TFAP2D: variants seen among roughly 807,000 people sequenced by gnomAD.
TFAP2D encodes transcription factor AP-2 delta.
Under a neutral mutation model 43.6 loss-of-function variants are expected in TFAP2D, and 9 were observed. That is an observed-to-expected ratio of 0.21 (90% CI 0.12 to 0.36). The LOEUF (loss-of-function observed/expected upper bound fraction) is 0.36, where lower values mean the gene tolerates loss of function less well. Ranked by LOEUF, TFAP2D falls within the 10% of genes least tolerant of loss-of-function variation. The pLI is 1.00. For synonymous variants in TFAP2D, 256 were observed against 224.9 expected (o/e 1.14, Z -1.24); for missense variants, 513 against 561.4 (o/e 0.91, Z 0.87).
rs145604522 is a variant in TFAP2D at position 50,749,750 on chromosome 6, A to T, written c.1026-1461A>T. On this transcript the variant is annotated intron_variant, in intron 6 of 7. Coordinates refer to ENST00000008391, the MANE Select transcript of TFAP2D (RefSeq NM_172238.4). ...AAAGCAACTGAGTCTCACAACAGAA[A>T]ATGTGAGGAGTTCAGAAGAAACTGT... is the stretch of plus-strand genomic sequence containing the variant. Among the ~76,000 whole-genome samples, 324 of 152,016 alleles carry T rather than the reference A, an allele frequency of 2.1e-3. 2 individuals are homozygous for T. Among genetic ancestry groups the T allele is most frequent in the African/African-American group, 7.4e-3 (308 of 41,546 alleles).
intron 5 of TFAP2D, among the ~76,000 whole-genome samples, chr6:50,739,990 A>T (rs1425775858): frequency 6.6e-6 from 1 of 152,160 alleles, no homozygotes; most frequent in Non-Finnish European, 1.5e-5. Context: ...TTCCTTTCCG[A>T]AGAGTCTGGG....
chr6:50,722,066 A>G (rs960282789), intron 3 of TFAP2D, among the ~76,000 whole-genome samples: 2 of 152,216 alleles, frequency 1.3e-5, no homozygotes, highest in Admixed American at 1.3e-4. Context: ...TTAAGTGGCA[A>G]TTACATTATT....
chr6:50,755,429 T>TAAA (rs35437406), intron 7 of TFAP2D, among the ~76,000 whole-genome samples: 118 of 141,460 alleles, frequency 8.3e-4, no homozygotes, highest in East Asian at 8.1e-3. Context: ...CTTGAAACTG[T>TAAA]AAAAAAAAAA....
At chr6:50,764,936 A>G (rs1259327640) in intron 7 of TFAP2D, among the ~76,000 whole-genome samples, 1 of 152,188 alleles carries the variant, frequency 6.6e-6, no homozygotes. Context: ...AACACTTAAG[A>G]TATACTCTCT....
intron 6 of TFAP2D, among the ~76,000 whole-genome samples, chr6:50,747,355 T>C (rs1343436277): frequency 6.6e-6 from 1 of 152,126 alleles, no homozygotes; most frequent in African/African-American, 2.4e-5. Context: ...CCCAGGTGTT[T>C]CCATAGCATA....
At chr6:50,723,919 G>C (rs1056931874) in intron 3 of TFAP2D, among the ~76,000 whole-genome samples, 1 of 151,940 alleles carries the variant, frequency 6.6e-6, no homozygotes, top group Admixed American at 6.6e-5. Flanking sequence ...CCTCTCTTTT[G>C]TTCTGCCTGG....
At chr6:50,738,513 T>C (rs1768993377) in intron 5 of TFAP2D, among the ~76,000 whole-genome samples, 1 of 152,192 alleles carries the variant, frequency 6.6e-6, no homozygotes, top group Non-Finnish European at 1.5e-5. Context: ...CTATGTGGTT[T>C]CATTTTTCTA....
At chr6:50,723,502 G>A (rs900062249) in intron 3 of TFAP2D, among the ~76,000 whole-genome samples, 1 of 152,138 alleles carries the variant, frequency 6.6e-6, no homozygotes, top group African/African-American at 2.4e-5. Context: ...CACTACTCTC[G>A]CTAGCCAAAA....
chr6:50,723,192 A>T (rs996933257), intron 3 of TFAP2D, among the ~76,000 whole-genome samples: 6 of 152,234 alleles, frequency 3.9e-5, no homozygotes, highest in Admixed American at 1.3e-4. Context: ...TCTTTAAAAA[A>T]AAAATTCCTT....
chr6:50,737,595 G>A (rs1373882346), intron 5 of TFAP2D, among the ~76,000 whole-genome samples: 1 of 152,072 alleles, frequency 6.6e-6, no homozygotes, highest in Non-Finnish European at 1.5e-5. Flanking sequence ...AATGTTATTA[G>A]TTGATCTTTT....
intron 5 of TFAP2D, among the ~76,000 whole-genome samples, chr6:50,743,920 T>C (rs1181607769): frequency 6.6e-6 from 1 of 152,210 alleles, no homozygotes; most frequent in Non-Finnish European, 1.5e-5. Flanking sequence ...GTTATGACTA[T>C]CATTTTCCTG....
chr6:50,725,909 G>T (rs1024500894), intron 3 of TFAP2D, among the ~76,000 whole-genome samples: 1 of 152,018 alleles, frequency 6.6e-6, no homozygotes, highest in Non-Finnish European at 1.5e-5. Flanking sequence ...GCAATGCCAG[G>T]TATCAAAGCA....
chr6:50,732,062 C>T (rs969380639), intron 5 of TFAP2D, among the ~76,000 whole-genome samples: 6 of 152,000 alleles, frequency 3.9e-5, no homozygotes, highest in African/African-American at 4.8e-5. Context: ...TTGGATTGAC[C>T]GTGTTTTTGA....
intron 5 of TFAP2D, among the ~76,000 whole-genome samples, chr6:50,735,448 A>G (rs1456148669): frequency 6.6e-6 from 1 of 152,094 alleles, no homozygotes; most frequent in Admixed American, 6.6e-5. Context: ...GAACTTTCTT[A>G]TGTCCAAGCT....
chr6:50,728,657 C>T (rs1768841399), intron 3 of TFAP2D, among the ~76,000 whole-genome samples, 199 bp from the exon 4 acceptor site: 1 of 152,166 alleles, frequency 6.6e-6, no homozygotes, highest in Non-Finnish European at 1.5e-5. Flanking sequence ...GACATTTTCA[C>T]AAACATTGAA....
intron 5 of TFAP2D, among the ~76,000 whole-genome samples, chr6:50,734,117 G>A (rs1768931276): frequency 6.6e-6 from 1 of 151,664 alleles, no homozygotes; most frequent in Non-Finnish European, 1.5e-5. Context: ...ATCTTTCTCA[G>A]TTTAAATCCT....
At chr6:50,724,477 G>A (rs1396973791) in intron 3 of TFAP2D, among the ~76,000 whole-genome samples, 1 of 152,164 alleles carries the variant, frequency 6.6e-6, no homozygotes, top group Non-Finnish European at 1.5e-5. Flanking sequence ...GCTTTGGAGA[G>A]GATGCGCGCA....
In TFAP2D at chr6:50,755,556, A is replaced by G. The variant is rs374356262; in HGVS notation, c.1139+4232A>G. ...AACTCTCAAGTTGATTCTGATAGGT[A>G]GGTTTAAGAACCACAGTTCTACGAT... On this transcript the variant is annotated intron_variant, in intron 7 of 7. Transcript: ENST00000008391. Among the ~76,000 whole-genome samples the G allele has an allele frequency of 3.5e-4, 53 of 152,124 alleles. 1 individual carries two copies. In the South Asian group the frequency reaches 0.011, roughly 30 times the overall value.
At chr6:50,722,577 C>G (rs565067116) in intron 3 of TFAP2D, among the ~76,000 whole-genome samples, 24 of 151,962 alleles carry the variant, frequency 1.6e-4, no homozygotes, top group Non-Finnish European at 3.2e-4. Context: ...GACACCGGTC[C>G]CTTTCATTTC....
Sources: gnomAD v4.1 joint callset for allele counts (sites outside exome capture counted in the v4.1 genomes callset) on GRCh38, gnomAD v4.1.1 for gene constraint, MANE v1.5 for transcripts, NCBI Gene and HGNC (gene_info 2026-07-23, HGNC 2026-07-21) for gene names.